The following TAF15 variants were observed in gnomAD, a reference collection of about 807,000 sequenced individuals.
The protein encoded by TAF15 is TATA-box binding protein associated factor 15.
A neutral mutation model predicts 102.5 loss-of-function variants in TAF15; 37 were observed. The observed-to-expected ratio is 0.36, with a 90% CI of 0.28 to 0.47. TAF15 has a LOEUF of 0.47. Among genes scored for constraint, TAF15 ranks in the 20% least tolerant of loss-of-function variants. The pLI is 0.99. For missense variants in TAF15, 652 were observed against 760.7 expected (o/e 0.86, Z 1.68); for synonymous variants, 273 against 259.2 (o/e 1.05, Z -0.51).
At chr17:35,834,531 C>T (rs1441546765) in intron 8 of TAF15, 35 bp from the exon 9 acceptor site, 2 of 1,607,726 alleles carry the variant, frequency 1.2e-6, no homozygotes, top group East Asian at 4.5e-5. Flanking sequence ...AATAAATTGC[C>T]TTAAATAGCT....
chr17:35,835,419 A>C (rs1156956107), intron 9 of TAF15, among the ~76,000 whole-genome samples: 1 of 152,200 alleles, frequency 6.6e-6, no homozygotes, highest in Non-Finnish European at 1.5e-5. Context: ...AAGGCTACAG[A>C]TTTACCTGTG....
intron 1 of TAF15, among the ~76,000 whole-genome samples, chr17:35,816,398 G>A (rs2087195304): frequency 6.6e-6 from 1 of 152,182 alleles, no homozygotes; most frequent in Non-Finnish European, 1.5e-5. Flanking sequence ...TACGCAGGAG[G>A]CTGAGGCAGG....
intron 11 of TAF15, among the ~76,000 whole-genome samples, chr17:35,840,019 CAT>C (rs2087524875): frequency 6.6e-6 from 1 of 152,106 alleles, no homozygotes; most frequent in Admixed American, 6.5e-5. Flanking sequence ...TCTTATGAGA[CAT>C]ATGCCCTGTT....
chr17:35,838,182 A>C (rs1188043629), intron 10 of TAF15, among the ~76,000 whole-genome samples: 1 of 152,152 alleles, frequency 6.6e-6, no homozygotes, highest in Non-Finnish European at 1.5e-5. Context: ...ACCCTGTCTC[A>C]ATTAAAAAAA....
At chr17:35,825,050 C>T (rs2087309015) in intron 7 of TAF15, among the ~76,000 whole-genome samples, 1 of 152,202 alleles carries the variant, frequency 6.6e-6, no homozygotes. Flanking sequence ...GTCAGTGGCC[C>T]GTTACAGAAA....
At chr17:35,841,030 C>A (rs943092647) in intron 11 of TAF15, among the ~76,000 whole-genome samples, 2 of 152,212 alleles carry the variant, frequency 1.3e-5, no homozygotes, top group Non-Finnish European at 2.9e-5. Context: ...GAAGCTATGT[C>A]TTTTGCATAT....
At chr17:35,830,960 G>A (rs2087397406) in intron 7 of TAF15, among the ~76,000 whole-genome samples, 1 of 152,200 alleles carries the variant, frequency 6.6e-6, no homozygotes, top group Admixed American at 6.5e-5. Flanking sequence ...GACATGTCCA[G>A]ATTTTCAAGA....
intron 11 of TAF15, among the ~76,000 whole-genome samples, chr17:35,839,763 A>G (rs769779130): frequency 8.6e-5 from 13 of 152,030 alleles, no homozygotes; most frequent in Non-Finnish European, 1.8e-4. Context: ...CACTGATAAT[A>G]TTTCTTAATA....
intron 9 of TAF15, among the ~76,000 whole-genome samples, chr17:35,834,853 C>T (rs891767858): frequency 2.7e-5 from 4 of 148,388 alleles, no homozygotes; most frequent in African/African-American, 1.0e-4. Flanking sequence ...TCAAGCAGTT[C>T]TCCTGCGTCT....
rs866430901 is a variant in TAF15, at chr17:35,844,593, A to G, written c.1294A>G (p.Ser432Gly). 7.8e-6 allele frequency: 12 copies of G among 1,535,704 alleles called. No homozygotes were observed. The highest frequency in any genetic ancestry group is 3.5e-5 in the African/African-American group (2 of 57,288). ...RSGGGYGGDR[S>G]SGGGYSGDRS... ...TGGGGGTGGCTATGGTGGAGACAGA[A>G]GCAGCGGTGGTGGCTACAGCGGAGA... The change falls in exon 15 of 16, where the codon AGC becomes GGC. Residue 432 changes from serine to glycine, a missense_variant. Physicochemically the swap from Ser to Gly is moderately conservative, Grantham distance 56. Around this residue, in one of 3 missense-constraint regions of TAF15, gnomAD observed 368 missense variants for 367.5 expected, o/e 1.00. Coordinates refer to ENST00000605844, the MANE Select transcript of TAF15 (RefSeq NM_139215.3).
chr17:35,834,051 G>A, intron 8 of TAF15, 110 bp downstream of exon 8: 2 of 1,009,052 alleles, frequency 2.0e-6, no homozygotes, highest in Non-Finnish European at 1.5e-6. Context: ...GTTGAGGCTG[G>A]TGTGTGTTGT....
chr17:35,837,826 C>CA (rs1259721378), intron 10 of TAF15, among the ~76,000 whole-genome samples: 3 of 151,348 alleles, frequency 2.0e-5, no homozygotes, highest in South Asian at 2.1e-4. Context: ...GACTCCACCT[C>CA]AAAAAAAAGT....
chr17:35,844,266 T>C lies in TAF15; in HGVS notation c.1089-14T>C. The C allele has an allele frequency of 6.2e-7, 1 of 1,614,110 alleles. No individual in the cohort carries two copies. Among genetic ancestry groups the C allele is most frequent in the Non-Finnish European group, 8.5e-7 (1 of 1,179,916 alleles). On this transcript the variant is annotated splice_polypyrimidine_tract_variant and intron_variant, in intron 13 of 15. Coordinates refer to ENST00000605844, the MANE Select transcript of TAF15 (RefSeq NM_139215.3). ...GAAACTATATAGGAGCATTATATTT[T>C]CCTCCTTTCTTAGGTCATGCGGAAA...
intron 11 of TAF15, among the ~76,000 whole-genome samples, chr17:35,840,058 G>C (rs1456783736): frequency 6.6e-6 from 1 of 151,994 alleles, no homozygotes; most frequent in Non-Finnish European, 1.5e-5. Context: ...GAGTGAAACT[G>C]ATGCATAGAG....
intron 10 of TAF15, among the ~76,000 whole-genome samples, chr17:35,837,599 G>A (rs4251770): frequency 0.015 from 2,298 of 151,846 alleles, 52 homozygotes; most frequent in African/African-American, 0.053. Flanking sequence ...AGGCCAAGGC[G>A]GGTGGATCAC....
intron 1 of TAF15, 158 bp downstream of exon 1, chr17:35,809,734 G>GGCAC: frequency 2.1e-6 from 2 of 970,970 alleles, no homozygotes; most frequent in Non-Finnish European, 3.2e-6. Flanking sequence ...TTGAACTGGA[G>GGCAC]GCACGCACGC....
chr17:35,838,290 CTTA>C, intron 10 of TAF15, 131 bp from the exon 11 acceptor site: 1 of 1,171,628 alleles, frequency 8.5e-7, no homozygotes, highest in African/African-American at 1.5e-5. Context: ...CTACAGGTAA[CTTA>C]TTAGGTGCAT....
intron 7 of TAF15, among the ~76,000 whole-genome samples, chr17:35,829,097 T>C (rs1489843735): frequency 1.3e-5 from 2 of 152,162 alleles, no homozygotes; most frequent in African/African-American, 4.8e-5. Flanking sequence ...AAATGTGGAA[T>C]TAATGTTGGT....
chr17:35,829,655 A>C (rs866207217), intron 7 of TAF15, among the ~76,000 whole-genome samples: 2 of 135,528 alleles, frequency 1.5e-5, no homozygotes, highest in Admixed American at 7.5e-5. Context: ...AAAAAAAAAA[A>C]AGAGAGAGAG....
Sources: allele counts gnomAD v4.1 joint callset (sites outside exome capture counted in the v4.1 genomes callset), GRCh38; gene constraint gnomAD v4.1.1; regional missense constraint gnomAD v4.1.1; transcripts MANE v1.5; gene names NCBI Gene and HGNC (gene_info 2026-07-23, HGNC 2026-07-21).